NPSR1: variants seen among roughly 807,000 people sequenced by gnomAD.
NPSR1 encodes neuropeptide S receptor 1.
NPSR1 carries 48 observed loss-of-function variants against 46.9 expected under a neutral mutation model. That is an observed-to-expected ratio of 1.02 (90% CI 0.81 to 1.30). The LOEUF is 1.30. Ranked by LOEUF, NPSR1 falls within the 50% of genes most tolerant of loss-of-function variation. The pLI, the probability that NPSR1 is intolerant of heterozygous loss-of-function variation, is 0.00. For missense variants in NPSR1, 450 were observed against 449.5 expected (o/e 1.00, Z -0.01); for synonymous variants, 176 against 168.1 (o/e 1.05, Z -0.36).
intron 1 of NPSR1, among the ~76,000 whole-genome samples, chr7:34,666,551 G>GA (rs969426924): frequency 4.6e-5 from 7 of 151,566 alleles, no homozygotes; most frequent in Admixed American, 3.3e-4. Context: ...GTGACCACAG[G>GA]AAAAAAAAGC....
chr7:34,796,433 G>A lies in NPSR1; in HGVS notation c.385-15337G>A, dbSNP rs548089222. Among the ~76,000 whole-genome samples the A allele has an allele frequency of 2.6e-5, 4 of 152,256 alleles. 1 individual carries two copies. In the South Asian group the frequency reaches 8.3e-4, roughly 32 times the overall value. On this transcript the variant is annotated intron_variant, in intron 3 of 8. Transcript: ENST00000360581. ...GAATATATTTGCAAAAGGCATACCT[G>A]ATAAAAGATTGTTATTCAAAATATG...
chr7:34,870,778 C>A (rs1488495692), intron 8 of NPSR1, among the ~76,000 whole-genome samples: 1 of 151,676 alleles, frequency 6.6e-6, no homozygotes, highest in Non-Finnish European at 1.5e-5. Flanking sequence ...ACTCCAGAAT[C>A]CTTGGGCTAG....
intron 8 of NPSR1, among the ~76,000 whole-genome samples, chr7:34,867,211 T>C (rs887873102): frequency 2.0e-5 from 3 of 151,794 alleles, no homozygotes; most frequent in African/African-American, 4.9e-5. Context: ...AAAGGCTTTG[T>C]GGACTCAACC....
At chr7:34,875,827 T>C (rs969023016) in intron 8 of NPSR1, among the ~76,000 whole-genome samples, 8 of 151,622 alleles carry the variant, frequency 5.3e-5, no homozygotes, top group African/African-American at 1.7e-4. Flanking sequence ...CAGAAACTAG[T>C]CAAATGGACC....
At chr7:34,668,126 G>A (rs1791847868) in intron 1 of NPSR1, among the ~76,000 whole-genome samples, 1 of 152,068 alleles carries the variant, frequency 6.6e-6, no homozygotes, top group African/African-American at 2.4e-5. Flanking sequence ...CCAGGCCTCT[G>A]AATCAGACCC....
chr7:34,713,630 G>C (rs1214573949), intron 2 of NPSR1, among the ~76,000 whole-genome samples: 2 of 152,188 alleles, frequency 1.3e-5, no homozygotes, highest in Admixed American at 1.3e-4. Flanking sequence ...GCAATATTTA[G>C]AGGCTGGTGT....
At chr7:34,870,899 GATGA>G (rs57368232) in intron 8 of NPSR1, among the ~76,000 whole-genome samples, 4,579 of 150,170 alleles carry the variant, frequency 0.03, 239 homozygotes, top group African/African-American at 0.074. Flanking sequence ...TGGATGGATG[GATGA>G]ATGGATGGAT....
At position 34,834,202 on chromosome 7, in the gene NPSR1, C is replaced by T. The variant is rs1433152910; in HGVS notation, c.681-182C>T. 5.0e-6 allele frequency: 3 copies of T among 594,308 alleles called. No individual in the cohort carries two copies. In the East Asian group the frequency reaches 8.4e-5, roughly 17 times the overall value. The allele number at this position is 594,308 out of a possible 1,614,324, so 36.8% of individuals were successfully genotyped here. On this transcript the variant is annotated intron_variant, in intron 5 of 8. Transcript: ENST00000360581. ...CACTTAAGAAAGAAGTAACTCCATC[C>T]AGTGGATCCTCATGGTCACTTTCAG...
At chr7:34,775,397 T>C (rs1487566196) in intron 2 of NPSR1, among the ~76,000 whole-genome samples, 7 of 152,202 alleles carry the variant, frequency 4.6e-5, no homozygotes, top group Non-Finnish European at 8.8e-5. Context: ...TTTTTCAGAA[T>C]AGTTTGAGTA....
intron 2 of NPSR1, chr7:34,719,391 T>A (rs1333423291): frequency 1.3e-5 from 2 of 152,190 alleles, no homozygotes; most frequent in Non-Finnish European, 2.9e-5. Flanking sequence ...CTGCAAAGCG[T>A]TTTTCTCTCT....
At chr7:34,736,663 C>T (rs572222356) in intron 2 of NPSR1, among the ~76,000 whole-genome samples, 1 of 152,204 alleles carries the variant, frequency 6.6e-6, no homozygotes, top group South Asian at 2.1e-4. Flanking sequence ...TGCAGTGGTG[C>T]CATCATAGCT....
At chr7:34,867,626 G>T (rs145368845) in intron 8 of NPSR1, among the ~76,000 whole-genome samples, 2 of 151,832 alleles carry the variant, frequency 1.3e-5, no homozygotes, top group Non-Finnish European at 2.9e-5. Flanking sequence ...GAAGATTTCC[G>T]ATATCACCCC....
chr7:34,673,389 GGA>G (rs1184882102), intron 1 of NPSR1, among the ~76,000 whole-genome samples: 1 of 152,048 alleles, frequency 6.6e-6, no homozygotes, highest in African/African-American at 2.4e-5. Flanking sequence ...ATGATTTTCA[GGA>G]GAGTTTCCCA....
chr7:34,789,263 C>T (rs749794195), intron 3 of NPSR1, among the ~76,000 whole-genome samples: 5 of 151,554 alleles, frequency 3.3e-5, no homozygotes, highest in Non-Finnish European at 7.4e-5. Context: ...GTCAGGGTTT[C>T]CCTTTCATAA....
chr7:34,808,124 C>T (rs908783089), intron 3 of NPSR1, among the ~76,000 whole-genome samples: 1 of 152,114 alleles, frequency 6.6e-6, no homozygotes, highest in Non-Finnish European at 1.5e-5. Context: ...TATGGTCACA[C>T]GCCAAGGACT....
chr7:34,759,790 G>A (rs974412042), intron 2 of NPSR1, among the ~76,000 whole-genome samples: 3 of 152,296 alleles, frequency 2.0e-5, no homozygotes, highest in Middle Eastern at 3.4e-3. Context: ...TGGGATATTT[G>A]GAGTTATCAC....
intron 2 of NPSR1, among the ~76,000 whole-genome samples, chr7:34,722,519 C>A (rs1270182958): frequency 1.3e-5 from 2 of 152,060 alleles, no homozygotes; most frequent in Non-Finnish European, 2.9e-5. Flanking sequence ...CTCATCTGGA[C>A]TTTTTAGTTT....
intron 8 of NPSR1, among the ~76,000 whole-genome samples, chr7:34,876,881 G>T (rs1217864439): frequency 6.6e-6 from 1 of 152,214 alleles, no homozygotes; most frequent in Non-Finnish European, 1.5e-5. Flanking sequence ...GGAATGCCAG[G>T]AGCTCTGCTG....
At chr7:34,658,917 T>G (rs977316036) in intron 1 of NPSR1, among the ~76,000 whole-genome samples, 1 of 152,188 alleles carries the variant, frequency 6.6e-6, no homozygotes. Context: ...GGGTTAGAGC[T>G]ATGAGTTTTT....
Sources: gnomAD v4.1 joint callset for allele counts (sites outside exome capture counted in the v4.1 genomes callset) on GRCh38, gnomAD v4.1.1 for gene constraint, MANE v1.5 for transcripts, NCBI Gene and HGNC (gene_info 2026-07-23, HGNC 2026-07-21) for gene names.